HERC2: variants seen among roughly 807,000 people sequenced by gnomAD.
The protein encoded by HERC2 is E3 ubiquitin-protein ligase HERC2.
In HERC2, 102 loss-of-function variants were observed where a neutral mutation model predicts 537.7. That is an observed-to-expected ratio of 0.19 (90% CI 0.16 to 0.22). The LOEUF (loss-of-function observed/expected upper bound fraction) is 0.22, where lower values mean the gene tolerates loss of function less well. HERC2 is among the 10% of genes least tolerant of loss of function. The pLI, the probability that HERC2 is intolerant of heterozygous loss-of-function variation, is 1.00. For synonymous variants in HERC2, 2,224 were observed against 2,466.2 expected (o/e 0.90, Z 2.91); for missense variants, 4,236 against 6,198.2 (o/e 0.68, Z 10.63).
chr15:28,280,159 A>G lies in HERC2; in HGVS notation c.451T>C (p.Phe151Leu). ...KQRLVILERY[F>L]IALNRTVFQE... ...AAAACGGTTCTATTCAAGGCAATGAAATAGCGCTCCAAGATCACCAGCCTC... is the reference window on the plus strand; with the variant it reads ...AAAACGGTTCTATTCAAGGCAATGAGATAGCGCTCCAAGATCACCAGCCTC... Residue 151 changes from phenylalanine to leucine, a missense_variant, in exon 5 of 93, where the codon TTC (phenylalanine) becomes CTC (leucine). Transcript: ENST00000261609. The G allele has an allele frequency of 5.0e-6, 8 of 1,614,224 alleles. No homozygotes were observed. The highest frequency in any genetic ancestry group is 6.8e-6 in the Non-Finnish European group (8 of 1,180,034).
chr15:28,249,539 C>A (rs550497661), intron 20 of HERC2, among the ~76,000 whole-genome samples: 11 of 152,302 alleles, frequency 7.2e-5, no homozygotes, highest in African/African-American at 2.4e-4. Flanking sequence ...CACAAGGAAG[C>A]AAGGGAGAGA....
intron 30 of HERC2, among the ~76,000 whole-genome samples, chr15:28,232,239 A>G (rs988434259): frequency 2.2e-4 from 33 of 152,326 alleles, no homozygotes; most frequent in Middle Eastern, 3.4e-3. Flanking sequence ...AAATCAGTAT[A>G]AGTCATAAGA....
chr15:28,176,892 T>C lies in HERC2; in HGVS notation c.9432+58A>G. On this transcript the variant is annotated intron_variant, in intron 61 of 92. Coordinates refer to ENST00000261609, the MANE Select transcript of HERC2 (RefSeq NM_004667.6). The surrounding 1 kb of genome is among the most constrained non-coding windows in gnomAD (Gnocchi z 5.0). ...ACTTTCCTAGACTTGAAGCTTATTT[T>C]CTCTTGACATCTTCAGATGGTAAGC... 6.3e-7 allele frequency: 1 copy of C among 1,587,910 alleles called. No individual in the cohort carries two copies. Among genetic ancestry groups the C allele is most frequent in the Admixed American group, 1.7e-5 (1 of 58,892 alleles).
intron 30 of HERC2, among the ~76,000 whole-genome samples, chr15:28,230,859 G>A (rs554230390): frequency 2.2e-4 from 33 of 152,158 alleles, no homozygotes; most frequent in African/African-American, 7.7e-4. Context: ...AACAGGTGTG[G>A]CTGTGCTCCT....
At chr15:28,262,795 G>C in intron 15 of HERC2, 123 bp downstream of exon 15, 2 of 1,019,558 alleles carry the variant, frequency 2.0e-6, no homozygotes, top group Non-Finnish European at 2.9e-6. Flanking sequence ...TGGAATGTCA[G>C]GTTAAGAACA....
chr15:28,222,633 G>A (rs975823280), intron 35 of HERC2, among the ~76,000 whole-genome samples: 4 of 152,118 alleles, frequency 2.6e-5, no homozygotes, highest in Non-Finnish European at 5.9e-5. Flanking sequence ...CAGCTGGCCC[G>A]AGATACAACC....
Position 28,182,594 on chromosome 15 carries a change from C to A in HERC2, c.8826-82G>T, listed in dbSNP as rs1895928311. 2.9e-5 allele frequency: 30 copies of A among 1,040,478 alleles called. No homozygotes were observed. The South Asian group carries it at 4.5e-4, about 16-fold the overall frequency. 64.5% of individuals were successfully genotyped at this position (1,040,478 alleles called of 1,614,324 possible). A position where few individuals can be genotyped will look rare whatever the true frequency, so the allele number is the denominator to read the frequency against. ...TTTAAAAAATAAAAAGAAAAGCAAC[C>A]TCAAGCACTCAAAGTTTTATGGTTA... On this transcript the variant is annotated intron_variant, in intron 56 of 92. Transcript: ENST00000261609.
intron 35 of HERC2, among the ~76,000 whole-genome samples, chr15:28,223,093 T>C (rs1156706352): frequency 6.6e-6 from 1 of 152,044 alleles, no homozygotes; most frequent in Non-Finnish European, 1.5e-5. Flanking sequence ...CTGGGGGTGG[T>C]CTTGGAGACC....
At chr15:28,264,023 A>C (rs74542546) in intron 14 of HERC2, among the ~76,000 whole-genome samples, 2 of 123,886 alleles carry the variant, frequency 1.6e-5, no homozygotes, top group Non-Finnish European at 3.0e-5. Flanking sequence ...TGTCTTACAA[A>C]AAAAAAAAAA....
At chr15:28,318,140 T>C (rs543535097) in intron 2 of HERC2, among the ~76,000 whole-genome samples, 3 of 152,300 alleles carry the variant, frequency 2.0e-5, no homozygotes, top group Admixed American at 6.5e-5. Context: ...TCATATATTG[T>C]TTTTTATAGT....
chr15:28,136,989 C>T (rs551810009), intron 78 of HERC2, among the ~76,000 whole-genome samples: 1 of 150,830 alleles, frequency 6.6e-6, no homozygotes, highest in South Asian at 2.1e-4. Context: ...AGATGTGCAA[C>T]ATTTAGCTAA....
At chr15:28,118,739 T>TG (rs1282479753) in intron 86 of HERC2, among the ~76,000 whole-genome samples, 1 of 152,222 alleles carries the variant, frequency 6.6e-6, no homozygotes, top group Non-Finnish European at 1.5e-5. Context: ...CCTGGCTCCG[T>TG]GCTGGTGTCC....
chr15:28,255,749 A>G, intron 19 of HERC2, 123 bp downstream of exon 19: 1 of 1,077,160 alleles, frequency 9.3e-7, no homozygotes, highest in Non-Finnish European at 1.3e-6. Flanking sequence ...ATTTTAATTT[A>G]AAAAATACTT....
At chr15:28,298,952 A>G (rs1453659455) in intron 3 of HERC2, among the ~76,000 whole-genome samples, 1 of 152,152 alleles carries the variant, frequency 6.6e-6, no homozygotes, top group Non-Finnish European at 1.5e-5. Context: ...GTGGTTCTCA[A>G]CCAAGGATCT....
chr15:28,276,007 C>A (rs780673735), intron 5 of HERC2, among the ~76,000 whole-genome samples: 1 of 151,148 alleles, frequency 6.6e-6, no homozygotes, highest in South Asian at 2.1e-4. Flanking sequence ...GCCAATATGA[C>A]GAAACCCTGT....
Position 28,123,937 on chromosome 15 carries a change from G to A in HERC2, c.13188+100C>T, listed in dbSNP as rs1889197465. On this transcript the variant is annotated intron_variant, in intron 85 of 92. Transcript: ENST00000261609. Reference sequence around the variant, plus strand: ...CATTCCGTGAACATTTGCTGAATGAGCTGTATTCTATGTGTTCTATTCCCA... The same window carrying A: ...CATTCCGTGAACATTTGCTGAATGAACTGTATTCTATGTGTTCTATTCCCA... The A allele has an allele frequency of 3.8e-5, 36 of 941,094 alleles. No homozygotes were observed. In the South Asian group the frequency reaches 7.5e-4, roughly 20 times the overall value. The allele number at this position is 941,094 out of a possible 1,614,324, so 58.3% of individuals were successfully genotyped here. A position where few individuals can be genotyped will look rare whatever the true frequency, so the allele number is the denominator to read the frequency against.
chr15:28,258,960 T>TA (rs1457850445), intron 16 of HERC2, among the ~76,000 whole-genome samples: 2 of 152,180 alleles, frequency 1.3e-5, no homozygotes, highest in Non-Finnish European at 2.9e-5. Context: ...ACTTGACACG[T>TA]AAAAATCAGA....
chr15:28,206,736 C>G (rs1049861999), intron 44 of HERC2, among the ~76,000 whole-genome samples: 6 of 143,136 alleles, frequency 4.2e-5, no homozygotes, highest in African/African-American at 7.8e-5. Flanking sequence ...GGGAGGCTGA[C>G]ACAGGAGAAT....
At chr15:28,144,829 G>C in intron 71 of HERC2, 25 bp from the exon 72 acceptor site, 1 of 1,613,776 alleles carries the variant, frequency 6.2e-7, no homozygotes. Flanking sequence ...CGCACCCCGG[G>C]GTTAGCTTCA....
Sources: allele counts gnomAD v4.1 joint callset (sites outside exome capture counted in the v4.1 genomes callset), GRCh38; gene constraint gnomAD v4.1.1; non-coding constraint Gnocchi (gnomAD v3.1); transcripts MANE v1.5; gene names NCBI Gene and HGNC (gene_info 2026-07-23, HGNC 2026-07-21).